LBR: variants seen among roughly 807,000 people sequenced by gnomAD.
LBR encodes the protein lamin B receptor.
LBR carries 28 observed loss-of-function variants against 74.3 expected under a neutral mutation model. That is an observed-to-expected ratio of 0.38 (90% CI 0.28 to 0.52). The LOEUF is 0.52. Among genes scored for constraint, LBR ranks in the 20% least tolerant of loss-of-function variants. The pLI is 0.89. For missense variants in LBR, 717 were observed against 760.3 expected, an observed-to-expected ratio of 0.94 and a Z score of 0.67; for synonymous variants, 228 against 269.3, an observed-to-expected ratio of 0.85 and a Z score of 1.50.
chr1:225,418,038 G>C lies in LBR; in HGVS notation c.783C>G (p.Val261=), dbSNP rs767512887. The C allele has an allele frequency of 6.2e-7, 1 of 1,614,084 alleles. No homozygotes were observed. Among genetic ancestry groups the C allele is most frequent in the African/African-American group, 1.3e-5 (1 of 74,934 alleles). Residue 261 remains valine, a synonymous_variant, in exon 6 of 14, where the codon GTC becomes GTG. Coordinates refer to ENST00000272163, the MANE Select transcript of LBR (RefSeq NM_002296.4). Reference sequence around the variant, plus strand: ...CTTGAATCAAAAACCACAGGAGGTAGACCCCAAATACTCTGGTTTCCCATA... The same window carrying C: ...CTTGAATCAAAAACCACAGGAGGTACACCCCAAATACTCTGGTTTCCCATA... ...YELWETRVFG[V]YLLWFLIQVL... is the part of the protein sequence containing the mutation.
chr1:225,404,030 G>A (rs1558648657), intron 13 of LBR, among the ~76,000 whole-genome samples: 1 of 150,852 alleles, frequency 6.6e-6, no homozygotes, highest in Non-Finnish European at 1.5e-5. Context: ...AGCTCCCCAC[G>A]AGGCCAGACA....
rs1383169780 is a variant in LBR, at chr1:225,419,795, G to A, written c.370C>T (p.Pro124Ser). ...EVKLTPLILK[P>S]FGNSISRYNG... ...TATCTGCTGATGCTATTTCCAAATGGCTTCTAAATTGAAGAATATAAACAT... is the reference window on the plus strand; with the variant it reads ...TATCTGCTGATGCTATTTCCAAATGACTTCTAAATTGAAGAATATAAACAT... The change falls in exon 4 of 14, where the codon CCA becomes TCA. Residue 124 changes from proline to serine, a missense_variant. Physicochemically the swap from Pro to Ser is moderately conservative, Grantham distance 74. Transcript: ENST00000272163. 1.2e-6 allele frequency: 2 copies of A among 1,602,002 alleles called. No individual in the cohort carries two copies. Among genetic ancestry groups the A allele is most frequent in the South Asian group, 1.1e-5 (1 of 90,576 alleles).
chr1:225,422,548 T>C, intron 2 of LBR: 1 of 443,734 alleles, frequency 2.3e-6, no homozygotes, highest in Non-Finnish European at 4.2e-6. Context: ...TTAGCTGTAC[T>C]TATTTCCAAC....
intron 10 of LBR, among the ~76,000 whole-genome samples, chr1:225,408,414 C>T (rs564088906): frequency 6.6e-6 from 1 of 152,176 alleles, no homozygotes; most frequent in Non-Finnish European, 1.5e-5. Context: ...TGGTGAGTGG[C>T]AGTGAGAGGG....
intron 11 of LBR, among the ~76,000 whole-genome samples, chr1:225,405,574 ACTCT>A (rs948467185): frequency 6.6e-6 from 1 of 151,288 alleles, no homozygotes; most frequent in African/African-American, 2.4e-5. Context: ...GCCCTCCCTC[ACTCT>A]CTCTTGTCCT....
At chr1:225,414,105 G>A (rs748599750) in intron 7 of LBR, 2 of 456,706 alleles carry the variant, frequency 4.4e-6, no homozygotes, top group South Asian at 3.1e-5. Flanking sequence ...TCTAAAACTT[G>A]CTCCATCAGC....
rs1177590790 is a variant in LBR at position 225,423,925 on chromosome 1, C to T, written c.151G>A (p.Glu51Lys). 3.7e-6 allele frequency: 6 copies of T among 1,613,612 alleles called. No individual in the cohort carries two copies. Among genetic ancestry groups the T allele is most frequent in the African/African-American group, 1.3e-5 (1 of 74,902 alleles). Reference sequence around the variant, plus strand: ...GGAGCTCTTACCTTAATATCATTCTCTTTCAATTCAAGCTCTGTTCCATCT... The same window carrying T: ...GGAGCTCTTACCTTAATATCATTCTTTTTCAATTCAAGCTCTGTTCCATCT... ...YKDGTELELKENDIKPLTSFR... is the reference protein window; with the variant it reads ...YKDGTELELKKNDIKPLTSFR... Residue 51 changes from glutamate (E) to lysine (K), a missense_variant, in exon 2 of 14, where the codon GAG (glutamate) becomes AAG (lysine). Coordinates refer to ENST00000272163, the MANE Select transcript of LBR (RefSeq NM_002296.4).
At chr1:225,424,296 A>G (rs995923849) in intron 1 of LBR, among the ~76,000 whole-genome samples, 13 of 152,222 alleles carry the variant, frequency 8.5e-5, no homozygotes, top group African/African-American at 3.1e-4. Context: ...AAGATTAATT[A>G]TAACAATGTA....
At chr1:225,410,811 C>T (rs551005107) in intron 9 of LBR, among the ~76,000 whole-genome samples, 11 of 152,288 alleles carry the variant, frequency 7.2e-5, no homozygotes, top group South Asian at 4.1e-4. Flanking sequence ...GGAGTCCTGT[C>T]GAGGTTCCTG....
chr1:225,403,230 C>G lies in LBR; in HGVS notation c.*73G>C. 6.8e-7 allele frequency: 1 copy of G among 1,466,962 alleles called. No homozygotes were observed. 90.9% of individuals were successfully genotyped at this position (1,466,962 alleles called of 1,614,324 possible). The stretch of plus-strand genomic sequence containing the variant: ...CTGTCAGTGCAACAAAAGAAAGTTT[C>G]GGATTTTTTTCCTTGTTTTTGCAAA... On this transcript the variant is annotated 3_prime_UTR_variant, in exon 14 of 14. Coordinates refer to ENST00000272163, the MANE Select transcript of LBR (RefSeq NM_002296.4).
chr1:225,410,485 G>C, intron 9 of LBR, 69 bp from the exon 10 acceptor site: 1 of 1,546,818 alleles, frequency 6.5e-7, no homozygotes, highest in Non-Finnish European at 8.9e-7. Flanking sequence ...ACAAAGGCAT[G>C]AGTGAGCTTC....
intron 11 of LBR, among the ~76,000 whole-genome samples, chr1:225,406,023 C>T (rs1558649587): frequency 1.3e-5 from 2 of 152,106 alleles, no homozygotes; most frequent in Non-Finnish European, 2.9e-5. Context: ...CCTGGTGGAC[C>T]GCAGCTGCAG....
At chr1:225,413,966 C>T (rs1233717339) in intron 7 of LBR, 11 of 456,620 alleles carry the variant, frequency 2.4e-5, no homozygotes, top group Non-Finnish European at 4.8e-5. Flanking sequence ...AGAATTGGTA[C>T]CTACAGAGAA....
Position 225,415,232 on chromosome 1 carries a change from T to C in LBR, c.892+46A>G, listed in dbSNP as rs751347147. 4 of 1,255,492 alleles carry C rather than the reference T, an allele frequency of 3.2e-6. No individual in the cohort carries two copies. In the South Asian group the frequency reaches 3.8e-5, roughly 12 times the overall value. The allele number at this position is 1,255,492 out of a possible 1,614,324, so 77.8% of individuals were successfully genotyped here. ...AACAAAGAGTTTAACACTTAGAAGT[T>C]TAAGCTATCAAATCATCAATTTGAG... On this transcript the variant is annotated intron_variant, in intron 7 of 13. Coordinates refer to ENST00000272163, the MANE Select transcript of LBR (RefSeq NM_002296.4).
rs188863920 is a variant in LBR at position 225,424,113 on chromosome 1, T to A, written c.-14-24A>T. On this transcript the variant is annotated intron_variant, in intron 1 of 13. Coordinates refer to ENST00000272163, the MANE Select transcript of LBR (RefSeq NM_002296.4). ...ACCTGAATAGTTTTAAAGAAAAAAA[T>A]TTGAGTCAATACATACACATTTATG... is the stretch of plus-strand genomic sequence containing the variant. 5.8e-4 allele frequency: 888 copies of A among 1,542,730 alleles called. 6 individuals carry two copies. The Admixed American group carries it at 9.3e-3, about 16-fold the overall frequency.
At chr1:225,415,051 T>G (rs2096114426) in intron 7 of LBR, among the ~76,000 whole-genome samples, 1 of 152,204 alleles carries the variant, frequency 6.6e-6, no homozygotes, top group Admixed American at 6.5e-5. Flanking sequence ...TGATGAGCAC[T>G]ATTAAGAAAA....
chr1:225,413,010 T>C (rs1396602851), intron 7 of LBR, among the ~76,000 whole-genome samples: 6 of 152,158 alleles, frequency 3.9e-5, no homozygotes, highest in South Asian at 2.1e-4. Context: ...CAAACACATA[T>C]TTTAAAGTCT....
In LBR at chr1:225,410,312, C is replaced by G. The variant is rs1262767979; in HGVS notation, c.1293G>C (p.Val431=). Residue 431 remains valine, a synonymous_variant, in exon 10 of 14, where the codon GTG becomes GTC. Coordinates refer to ENST00000272163, the MANE Select transcript of LBR (RefSeq NM_002296.4). ...TTACCTCATTCCAGAGAGCATCCAC[C>G]ACATAGAGAAGCTGGAAACTATTAA... ...ILVNSFQLLY[V]VDALWNEEAL... is the part of the protein sequence containing the mutation. 1 of 1,614,162 alleles carries G rather than the reference C, an allele frequency of 6.2e-7. No homozygotes were observed. The highest frequency in any genetic ancestry group is 8.5e-7 in the Non-Finnish European group (1 of 1,180,036).
At chr1:225,426,689 A>C (rs943230108) in intron 1 of LBR, among the ~76,000 whole-genome samples, 1 of 152,176 alleles carries the variant, frequency 6.6e-6, no homozygotes, top group Non-Finnish European at 1.5e-5. Context: ...ATGACGTTGG[A>C]CAGCTTCCTT....
Sources: allele counts gnomAD v4.1 joint callset (sites outside exome capture counted in the v4.1 genomes callset), GRCh38; gene constraint gnomAD v4.1.1; transcripts MANE v1.5; gene names NCBI Gene and HGNC (gene_info 2026-07-23, HGNC 2026-07-21).